The following RBFOX2 variants were observed in gnomAD, a reference collection of about 807,000 sequenced individuals.
RBFOX2 encodes RNA binding fox-1 homolog 2.
Under a neutral mutation model 49.1 loss-of-function variants are expected in RBFOX2, and 10 were observed. The observed-to-expected ratio is 0.20, with a 90% confidence interval of 0.13 to 0.35. RBFOX2 has a LOEUF of 0.35. Ranked by LOEUF, RBFOX2 falls within the 10% of genes least tolerant of loss-of-function variation. The pLI is 1.00. For missense variants in RBFOX2, 323 were observed against 486.9 expected (o/e 0.66, Z 3.17); for synonymous variants, 183 against 187.4 (o/e 0.98, Z 0.19).
intron 1 of RBFOX2, among the ~76,000 whole-genome samples, chr22:35,915,026 C>G (rs2050250028): frequency 6.6e-6 from 1 of 152,146 alleles, no homozygotes; most frequent in Non-Finnish European, 1.5e-5. Context: ...ACACTGCCAC[C>G]AACCCTCCTC....
intron 1 of RBFOX2, among the ~76,000 whole-genome samples, chr22:36,013,346 A>C (rs2058898205): frequency 6.6e-6 from 1 of 152,222 alleles, no homozygotes; most frequent in Non-Finnish European, 1.5e-5. Flanking sequence ...AATAGGACTG[A>C]GTAATAATAA....
chr22:35,898,053 T>A, intron 1 of RBFOX2: 1 of 728,994 alleles, frequency 1.4e-6, no homozygotes, highest in Non-Finnish European at 2.6e-6. Flanking sequence ...CCACTACTCG[T>A]CAGATAGAAT....
rs549108827 is a variant in RBFOX2, at chr22:36,005,106, G to C, written c.186+23134C>G. Among the ~76,000 whole-genome samples the C allele has an allele frequency of 1.2e-4, 18 of 152,194 alleles. 1 individual carries two copies. The South Asian group carries it at 3.5e-3, about 30-fold the overall frequency. Reference sequence around the variant, plus strand: ...GAAAACGCATCCTGGCTTAATACTGGCTGTATTCAAAAGAATGATGTTTAC... The same window carrying C: ...GAAAACGCATCCTGGCTTAATACTGCCTGTATTCAAAAGAATGATGTTTAC... On this transcript the variant is annotated intron_variant, in intron 1 of 13. Coordinates refer to the RBFOX2 transcript ENST00000438146.
At chr22:35,980,333 T>C (rs1271837773) in intron 1 of RBFOX2, among the ~76,000 whole-genome samples, 1 of 152,170 alleles carries the variant, frequency 6.6e-6, no homozygotes, top group Non-Finnish European at 1.5e-5. Flanking sequence ...TCCTCAGAGA[T>C]GTTCCATGTT....
chr22:35,964,758 C>T (rs752929648), upstream of RBFOX2, among the ~76,000 whole-genome samples: 3 of 152,174 alleles, frequency 2.0e-5, no homozygotes, highest in Admixed American at 1.3e-4. Context: ...GCCAAGGTCA[C>T]GTGTCTGCTA....
At chr22:35,976,807 A>T (rs1603461043) in intron 1 of RBFOX2, among the ~76,000 whole-genome samples, 1 of 152,222 alleles carries the variant, frequency 6.6e-6, no homozygotes, top group South Asian at 2.1e-4. Context: ...TACTAAAAAT[A>T]CAAAAAATTA....
intron 1 of RBFOX2, among the ~76,000 whole-genome samples, chr22:36,003,769 G>A (rs1420683638): frequency 6.6e-6 from 1 of 152,186 alleles, no homozygotes; most frequent in Non-Finnish European, 1.5e-5. Flanking sequence ...GCACATAAAT[G>A]GAGCTCCATA....
chr22:35,866,707 C>CA (rs369641828), intron 1 of RBFOX2, among the ~76,000 whole-genome samples: 5 of 151,508 alleles, frequency 3.3e-5, no homozygotes, highest in South Asian at 2.1e-4. Flanking sequence ...CAGGCACTGA[C>CA]AAAAAAAAGC....
chr22:36,002,106 C>T (rs2058450404), intron 1 of RBFOX2, among the ~76,000 whole-genome samples: 2 of 151,938 alleles, frequency 1.3e-5, no homozygotes, highest in African/African-American at 4.8e-5. Context: ...CAACAACAAA[C>T]AAATTAAAAA....
intron 1 of RBFOX2, among the ~76,000 whole-genome samples, chr22:36,025,131 C>T (rs1470891737): frequency 6.6e-6 from 1 of 152,146 alleles, no homozygotes; most frequent in Non-Finnish European, 1.5e-5. Flanking sequence ...TGTGTATTTA[C>T]ATAGGGCCTA....
At chr22:35,960,243 T>C (rs2149936364) in intron 1 of RBFOX2, among the ~76,000 whole-genome samples, 1 of 152,304 alleles carries the variant, frequency 6.6e-6, no homozygotes, top group South Asian at 2.1e-4. Context: ...GAGCTTTATA[T>C]ATTAGCTTAC....
chr22:36,018,273 A>G (rs1242173077), intron 1 of RBFOX2, among the ~76,000 whole-genome samples: 1 of 152,230 alleles, frequency 6.6e-6, no homozygotes, highest in East Asian at 1.9e-4. Context: ...CTTGGAAGAC[A>G]GCAGGAGTGT....
intron 1 of RBFOX2, among the ~76,000 whole-genome samples, chr22:35,870,456 A>G (rs1354772819): frequency 6.6e-6 from 1 of 152,196 alleles, no homozygotes; most frequent in East Asian, 1.9e-4. Flanking sequence ...TGGGTGACAG[A>G]GCTAGACTCC....
At chr22:35,785,238 T>A (rs1417516537) in intron 2 of RBFOX2, among the ~76,000 whole-genome samples, 1 of 152,148 alleles carries the variant, frequency 6.6e-6, no homozygotes, top group Non-Finnish European at 1.5e-5. Flanking sequence ...TTTCACTAAA[T>A]CCTCAAAAAA....
chr22:35,832,094 G>A (rs1956913136), intron 1 of RBFOX2, among the ~76,000 whole-genome samples: 2 of 152,200 alleles, frequency 1.3e-5, no homozygotes, highest in Non-Finnish European at 2.9e-5. Context: ...AAAGCCAGTT[G>A]TATGCGATGG....
intron 1 of RBFOX2, among the ~76,000 whole-genome samples, chr22:36,017,563 T>C (rs1603467820): frequency 2.0e-5 from 3 of 152,012 alleles, no homozygotes; most frequent in South Asian, 2.1e-4. Context: ...AAAGCTATAG[T>C]ATCCGATGAA....
intron 1 of RBFOX2, among the ~76,000 whole-genome samples, chr22:36,015,524 A>T (rs2059000276): frequency 6.6e-6 from 1 of 152,230 alleles, no homozygotes; most frequent in Non-Finnish European, 1.5e-5. Flanking sequence ...CCAATGAGTT[A>T]AGCTTTGTGG....
intron 1 of RBFOX2, among the ~76,000 whole-genome samples, chr22:36,004,539 T>C (rs913828914): frequency 4.6e-5 from 7 of 152,154 alleles, no homozygotes; most frequent in Admixed American, 3.9e-4. Flanking sequence ...TTCACGCCTA[T>C]AACCCCAGCA....
At chr22:35,921,787 A>T (rs183064515) in intron 1 of RBFOX2, among the ~76,000 whole-genome samples, 225 of 152,356 alleles carry the variant, frequency 1.5e-3, no homozygotes, top group Middle Eastern at 3.4e-3. Flanking sequence ...ACAAATGAAG[A>T]GATGGACAAG....
Sources: allele counts gnomAD v4.1 joint callset (sites outside exome capture counted in the v4.1 genomes callset), GRCh38; gene constraint gnomAD v4.1.1; transcripts MANE v1.5; gene names NCBI Gene and HGNC (gene_info 2026-07-23, HGNC 2026-07-21).